Variants in ACOT12 observed in about 807,000 individuals in gnomAD.
ACOT12 encodes the protein acetyl-coenzyme A thioesterase.
A neutral mutation model predicts 67.7 loss-of-function variants in ACOT12; 51 were observed. The observed-to-expected ratio is 0.75, with a 90% CI of 0.60 to 0.95. ACOT12 has a LOEUF of 0.95. Ranked by LOEUF, ACOT12 falls within the 40% of genes least tolerant of loss-of-function variation. The probability of loss-of-function intolerance (pLI) is 0.00; values close to 1 mark genes in which losing one functional copy is unlikely to be tolerated. For missense variants in ACOT12, 734 were observed against 708.1 expected (o/e 1.04, Z -0.41); for synonymous variants, 251 against 244.6 (o/e 1.03, Z -0.24).
chr5:81,333,530 T>C (rs1212691983), intron 12 of ACOT12, among the ~76,000 whole-genome samples: 1 of 152,206 alleles, frequency 6.6e-6, no homozygotes, highest in Non-Finnish European at 1.5e-5. Context: ...TTAGTTGGAT[T>C]AGAATTCATT....
At chr5:81,314,025 T>C in the ACOT12 span, among the ~76,000 whole-genome samples, 39 of 152,332 alleles carry the variant, frequency 2.6e-4, no homozygotes, top group Admixed American at 5.9e-4. Flanking sequence ...AGCTGAAAGT[T>C]AGGTCTAATG....
intron 5 of ACOT12, among the ~76,000 whole-genome samples, chr5:81,349,266 A>G (rs1759480075): frequency 6.6e-6 from 1 of 152,202 alleles, no homozygotes; most frequent in Non-Finnish European, 1.5e-5. Flanking sequence ...TCTTATTTCC[A>G]GTGATCGTTT....
intron 5 of ACOT12, among the ~76,000 whole-genome samples, chr5:81,353,577 T>C (rs560210630): frequency 1.7e-4 from 26 of 152,330 alleles, no homozygotes; most frequent in African/African-American, 6.0e-4. Context: ...AAGATCTGAT[T>C]TTCTTACTCA....
chr5:81,394,075 C>G lies in ACOT12; in HGVS notation c.40G>C (p.Ala14Pro). ...PAPGEVVMSQ[A>P]IQPAHATARG... ...GCAGTGGCGTGCGCCGGCTGGATGG[C>G]TTGGCTCATGACCACCTCGCCGGGC... Residue 14 changes from alanine (A) to proline (P), a missense_variant, in exon 1 of 15, where the codon GCC (alanine) becomes CCC (proline). By Grantham distance (27) the Ala-to-Pro change is conservative (BLOSUM62 -1). Transcript: ENST00000307624. 1 of 1,472,202 alleles carries G rather than the reference C, an allele frequency of 6.8e-7. No individual in the cohort carries two copies. The highest frequency in any genetic ancestry group is 8.9e-7 in the Non-Finnish European group (1 of 1,118,488). The allele number at this position is 1,472,202 out of a possible 1,614,324, so 91.2% of individuals were successfully genotyped here. A position where few individuals can be genotyped will look rare whatever the true frequency, so the allele number is the denominator to read the frequency against.
Position 81,335,789 on chromosome 5 carries a change from G to T in ACOT12, c.1241C>A (p.Pro414His). Residue 414 changes from proline to histidine, a missense_variant, in exon 12 of 15, where the codon CCT becomes CAT. By Grantham distance (77) the Pro-to-His change is moderately conservative. Transcript: ENST00000307624. ...YRLLSDFTKR[P>H]LWDPHFVSCE... ...TTACACAAAATGGGGGTCCCACAAA[G>T]GTCGCTTTGTAAAGTCAGACAAGAG... 1.2e-6 allele frequency: 2 copies of T among 1,611,376 alleles called. No homozygotes were observed. Among genetic ancestry groups the T allele is most frequent in the East Asian group, 4.5e-5 (2 of 44,874 alleles).
chr5:81,390,106 T>C (rs1454225118), intron 1 of ACOT12, among the ~76,000 whole-genome samples: 1 of 150,310 alleles, frequency 6.7e-6, no homozygotes, highest in African/African-American at 2.5e-5. Flanking sequence ...AGGTACATGC[T>C]ACCATGCCTG....
intron 1 of ACOT12, among the ~76,000 whole-genome samples, chr5:81,386,994 C>CTTTTTTTTTTTTTTTTTTTTT (rs1052387807): frequency 3.9e-5 from 5 of 128,478 alleles, no homozygotes; most frequent in Non-Finnish European, 1.6e-5. Flanking sequence ...GGATGAGTTC[C>CTTTTTTTTTTTTTTTTTTTTT]ATTTTTTTTT....
intron 5 of ACOT12, among the ~76,000 whole-genome samples, chr5:81,356,214 C>T (rs1759708740): frequency 6.6e-6 from 1 of 152,206 alleles, no homozygotes; most frequent in Non-Finnish European, 1.5e-5. Context: ...TTCTTCTAAC[C>T]CCACACTTGC....
rs568023376 is a variant in ACOT12 at position 81,342,974 on chromosome 5, G to A, written c.1045-219C>T. ...AGGCAGGCAGATCACTTGAGGATAGGAGCTTGAGACCAGCCTGGCCAACAT... is the reference window on the plus strand; with the variant it reads ...AGGCAGGCAGATCACTTGAGGATAGAAGCTTGAGACCAGCCTGGCCAACAT... On this transcript the variant is annotated intron_variant, in intron 10 of 14. Transcript: ENST00000307624. Among the ~76,000 whole-genome samples the A allele has an allele frequency of 9.2e-5, 14 of 152,246 alleles. No individual in the cohort carries two copies. The South Asian group carries it at 2.1e-3, about 23-fold the overall frequency.
chr5:81,339,199 C>T (rs967734786), intron 11 of ACOT12, among the ~76,000 whole-genome samples: 1 of 152,184 alleles, frequency 6.6e-6, no homozygotes, highest in African/African-American at 2.4e-5. Flanking sequence ...TTTACAGAAG[C>T]CTAGGGGAGC....
the ACOT12 span, among the ~76,000 whole-genome samples, chr5:81,323,815 G>A: frequency 1.3e-5 from 2 of 149,354 alleles, no homozygotes; most frequent in African/African-American, 2.5e-5. Context: ...ATATATATAT[G>A]TATATGTATA....
the ACOT12 span, chr5:81,312,664 A>G: frequency 6.3e-7 from 1 of 1,598,984 alleles, no homozygotes; most frequent in South Asian, 1.1e-5. Flanking sequence ...AATTTTTGAT[A>G]ACAGCTAGCA....
At chr5:81,320,799 T>C in the ACOT12 span, among the ~76,000 whole-genome samples, 1 of 152,238 alleles carries the variant, frequency 6.6e-6, no homozygotes, top group African/African-American at 2.4e-5. Flanking sequence ...TTGTGTTTTG[T>C]TTTGTTTTGT....
At chr5:81,370,198 C>T (rs751382561) in intron 3 of ACOT12, among the ~76,000 whole-genome samples, 3 of 152,104 alleles carry the variant, frequency 2.0e-5, no homozygotes, top group Non-Finnish European at 4.4e-5. Context: ...CACTTGAACC[C>T]AGGAGGCGGA....
intron 1 of ACOT12, among the ~76,000 whole-genome samples, chr5:81,388,543 G>A (rs563449645): frequency 1.7e-4 from 26 of 152,340 alleles, no homozygotes; most frequent in Admixed American, 1.2e-3. Context: ...GATAAAAATA[G>A]TGGTAACCTT....
At chr5:81,347,174 G>C (rs1267101737) in intron 6 of ACOT12, among the ~76,000 whole-genome samples, 1 of 152,188 alleles carries the variant, frequency 6.6e-6, no homozygotes, top group African/African-American at 2.4e-5. Flanking sequence ...CTGGAGTGCA[G>C]TGGTGTGATC....
intron 11 of ACOT12, among the ~76,000 whole-genome samples, chr5:81,339,873 AT>A (rs1221062725): frequency 1.3e-5 from 2 of 148,598 alleles, no homozygotes; most frequent in Non-Finnish European, 3.0e-5. Context: ...TCTAATTTAT[AT>A]TGAAAACCTG....
At chr5:81,326,974 C>T (rs116739084), downstream of ACOT12, among the ~76,000 whole-genome samples, 2,288 of 152,200 alleles carry the variant, frequency 0.015, 44 homozygotes, top group African/African-American at 0.052. Context: ...CTCTAAATCA[C>T]AAGACTTATT....
At chr5:81,381,441 T>C (rs547480863) in intron 2 of ACOT12, among the ~76,000 whole-genome samples, 4 of 152,338 alleles carry the variant, frequency 2.6e-5, no homozygotes, top group East Asian at 1.9e-4. Flanking sequence ...CATATTGGTA[T>C]GGAGTGATTT....
Sources: allele counts gnomAD v4.1 joint callset (sites outside exome capture counted in the v4.1 genomes callset), GRCh38; gene constraint gnomAD v4.1.1; transcripts MANE v1.5; gene names NCBI Gene and HGNC (gene_info 2026-07-23, HGNC 2026-07-21).